ATP6V1C2: variants seen among roughly 807,000 people sequenced by gnomAD.
ATP6V1C2 encodes the protein V-type proton ATPase subunit C 2.
A neutral mutation model predicts 56.8 loss-of-function variants in ATP6V1C2; 45 were observed. The ratio of observed to expected loss-of-function variants is 0.79; its 90% confidence interval spans 0.62 to 1.02. The LOEUF is 1.02. Among genes scored for constraint, ATP6V1C2 ranks in the 50% least tolerant of loss-of-function variants. ATP6V1C2 has a pLI of 0.00. For missense variants in ATP6V1C2, 463 were observed against 519.7 expected, an observed-to-expected ratio of 0.89 and a Z score of 1.06; for synonymous variants, 220 against 201.3, an observed-to-expected ratio of 1.09 and a Z score of -0.79.
At chr2:10,757,308 C>T (rs1663615372) in intron 4 of ATP6V1C2, 12 of 390,528 alleles carry the variant, frequency 3.1e-5, no homozygotes, top group Middle Eastern at 6.4e-4. Flanking sequence ...CCACCGCGCC[C>T]GGCCAGAGGA....
At chr2:10,747,774 C>T (rs1232379374) in intron 3 of ATP6V1C2, among the ~76,000 whole-genome samples, 2 of 151,996 alleles carry the variant, frequency 1.3e-5, no homozygotes, top group Non-Finnish European at 2.9e-5. Context: ...ACTGAGATGG[C>T]TTCCTGTCTT....
At chr2:10,768,863 T>A in intron 6 of ATP6V1C2, 53 bp downstream of exon 6, 1 of 1,486,156 alleles carries the variant, frequency 6.7e-7, no homozygotes, top group South Asian at 1.1e-5. Context: ...GGCGGGGGCT[T>A]AGCGCTTGCC....
chr2:10,726,612 ATTG>A, intron 3 of ATP6V1C2, 43 bp downstream of exon 3: 1 of 1,539,442 alleles, frequency 6.5e-7, no homozygotes. Flanking sequence ...AGAATTTGAC[ATTG>A]TTGTCAGAGG....
At chr2:10,731,130 G>A (rs970657479) in intron 3 of ATP6V1C2, among the ~76,000 whole-genome samples, 1 of 151,890 alleles carries the variant, frequency 6.6e-6, no homozygotes, top group African/African-American at 2.4e-5. Context: ...AAAATTTTTT[G>A]TAGAGACAAG....
chr2:10,771,816 C>T, intron 6 of ATP6V1C2, 23 bp from the exon 7 acceptor site: 1 of 1,589,174 alleles, frequency 6.3e-7, no homozygotes, highest in Admixed American at 1.7e-5. Flanking sequence ...TCTTTCACAC[C>T]CTTTGTTCCA....
chr2:10,784,718 A>G lies in ATP6V1C2; in HGVS notation c.*1455A>G. 1 of 553,148 alleles carries G rather than the reference A, an allele frequency of 1.8e-6. No homozygotes were observed. Among genetic ancestry groups the G allele is most frequent in the Non-Finnish European group, 3.2e-6 (1 of 313,740 alleles). 34.3% of individuals were successfully genotyped at this position (553,148 alleles called of 1,614,324 possible). A position where few individuals can be genotyped will look rare whatever the true frequency, so the allele number is the denominator to read the frequency against. On this transcript the variant is annotated 3_prime_UTR_variant, in exon 14 of 14. Transcript: ENST00000272238. ...TCAGGAAAGCAACCTTACTACTGAA[A>G]TGTATCTTGGCTGTCAAGAGTATCA...
intron 6 of ATP6V1C2, among the ~76,000 whole-genome samples, chr2:10,770,382 G>T (rs1664517090): frequency 6.6e-6 from 1 of 152,202 alleles, no homozygotes; most frequent in Admixed American, 6.6e-5. Context: ...TGGGCAACAA[G>T]AGTGAAACTC....
rs913398208 is a variant in ATP6V1C2 at position 10,763,345 on chromosome 2, G to A, written c.284-986G>A. Among the ~76,000 whole-genome samples the A allele has an allele frequency of 6.6e-5, 10 of 152,098 alleles. No individual in the cohort carries two copies. Among genetic ancestry groups the A allele is most frequent in the Admixed American group, 6.5e-4 (10 of 15,286 alleles). On this transcript the variant is annotated intron_variant, in intron 4 of 13. Coordinates refer to ENST00000272238, the MANE Select transcript of ATP6V1C2 (RefSeq NM_001039362.2). This position sits in a 1 kb window ranked among gnomAD's most constrained non-coding sequence, Gnocchi z 4.2. Reference sequence around the variant, plus strand: ...ACGATCCTCCCTAGGAGGAGCCGGCGCCAGCTCTTTGTCCTCCCTTAGCAC... The same window carrying A: ...ACGATCCTCCCTAGGAGGAGCCGGCACCAGCTCTTTGTCCTCCCTTAGCAC...
intron 2 of ATP6V1C2, among the ~76,000 whole-genome samples, chr2:10,723,655 G>A (rs1661478694): frequency 6.6e-6 from 1 of 151,574 alleles, no homozygotes; most frequent in Non-Finnish European, 1.5e-5. Flanking sequence ...TGGCTAACAC[G>A]GTGAAACCCC....
Position 10,763,341 on chromosome 2 carries a change from C to T in ATP6V1C2, c.284-990C>T, listed in dbSNP as rs1053345640. On this transcript the variant is annotated intron_variant, in intron 4 of 13. Coordinates refer to ENST00000272238, the MANE Select transcript of ATP6V1C2 (RefSeq NM_001039362.2). The surrounding 1 kb of genome is among the most constrained non-coding windows in gnomAD (Gnocchi z 4.2). Reference sequence around the variant, plus strand: ...GGACACGATCCTCCCTAGGAGGAGCCGGCGCCAGCTCTTTGTCCTCCCTTA... The same window carrying T: ...GGACACGATCCTCCCTAGGAGGAGCTGGCGCCAGCTCTTTGTCCTCCCTTA... Among the ~76,000 whole-genome samples the T allele has an allele frequency of 4.1e-4, 63 of 152,166 alleles. No homozygotes were observed. The highest frequency in any genetic ancestry group is 7.8e-4 in the Admixed American group (12 of 15,290).
chr2:10,727,865 C>G (rs11685248), intron 3 of ATP6V1C2, among the ~76,000 whole-genome samples: 35,509 of 151,992 alleles, frequency 0.23, 4,434 homozygotes, highest in South Asian at 0.43. Context: ...GATCGCGCCA[C>G]TTCACTCCAG....
At chr2:10,736,589 A>G (rs1662257988) in intron 3 of ATP6V1C2, among the ~76,000 whole-genome samples, 1 of 152,074 alleles carries the variant, frequency 6.6e-6, no homozygotes, top group Admixed American at 6.6e-5. Context: ...TCTGATTTCT[A>G]ATAGTTTAAC....
At chr2:10,782,649 G>A (rs968403923) in intron 13 of ATP6V1C2, among the ~76,000 whole-genome samples, 19 of 152,008 alleles carry the variant, frequency 1.2e-4, no homozygotes, top group African/African-American at 4.6e-4. Flanking sequence ...TGGCCAACAT[G>A]GTGAAACCCT....
intron 7 of ATP6V1C2, 32 bp downstream of exon 7, chr2:10,771,969 C>A: frequency 6.3e-7 from 1 of 1,585,758 alleles, no homozygotes. Flanking sequence ...AGGAAACCGG[C>A]CCTGCCCAGT....
At chr2:10,774,761 C>T (rs1166027974) in intron 8 of ATP6V1C2, 27 bp from the exon 9 acceptor site, 2 of 1,603,978 alleles carry the variant, frequency 1.2e-6, no homozygotes, top group Admixed American at 1.7e-5. Flanking sequence ...GCAGTGAGTC[C>T]AGCCAACAGA....
At chr2:10,760,496 A>G (rs1388440877) in intron 4 of ATP6V1C2, among the ~76,000 whole-genome samples, 1 of 152,240 alleles carries the variant, frequency 6.6e-6, no homozygotes, top group Non-Finnish European at 1.5e-5. Flanking sequence ...CAGTGTACAC[A>G]GTTGGAGCTG....
At chr2:10,768,861 C>CAGG in intron 6 of ATP6V1C2, 51 bp downstream of exon 6, 1 of 1,507,646 alleles carries the variant, frequency 6.6e-7, no homozygotes. Flanking sequence ...CTGGCGGGGG[C>CAGG]TTAGCGCTTG....
rs1453415451 is a variant in ATP6V1C2, at chr2:10,754,063, G to A, written c.280G>A (p.Gly94Arg). Residue 94 changes from glycine to arginine, a missense_variant, in exon 4 of 14, where the codon GGA (glycine) becomes AGA (arginine). Coordinates refer to ENST00000272238, the MANE Select transcript of ATP6V1C2 (RefSeq NM_001039362.2). ...GGTCCAGGAGCACCTCCTGGCAAAC[G>A]GAGGTAGGTAGGGCGGCCCTCTGAT... ...GKVQEHLLANGVDLTSFVTHF... is the reference protein window; with the variant it reads ...GKVQEHLLANRVDLTSFVTHF... 9.4e-6 allele frequency: 15 copies of A among 1,599,370 alleles called. No individual in the cohort carries two copies. Among genetic ancestry groups the A allele is most frequent in the Non-Finnish European group, 1.2e-5 (14 of 1,171,612 alleles).
At chr2:10,725,881 A>C (rs1471460769) in intron 2 of ATP6V1C2, among the ~76,000 whole-genome samples, 1 of 151,638 alleles carries the variant, frequency 6.6e-6, no homozygotes, top group Non-Finnish European at 1.5e-5. Context: ...GGAGTTCGAG[A>C]CCAGCCTGAC....
Sources: gnomAD v4.1 joint callset for allele counts (sites outside exome capture counted in the v4.1 genomes callset) on GRCh38, gnomAD v4.1.1 for gene constraint, Gnocchi (gnomAD v3.1) non-coding constraint, MANE v1.5 for transcripts, NCBI Gene and HGNC (gene_info 2026-07-23, HGNC 2026-07-21) for gene names.